The following PCDH15 variants were observed in gnomAD, a reference collection of about 807,000 sequenced individuals.
PCDH15 encodes protocadherin related 15, also known as protocadherin-15.
PCDH15 carries 129 observed loss-of-function variants against 178.5 expected under a neutral mutation model. The ratio of observed to expected loss-of-function variants is 0.72; its 90% confidence interval spans 0.63 to 0.84. The LOEUF is 0.84. Among genes scored for constraint, PCDH15 ranks in the 40% least tolerant of loss-of-function variants. PCDH15 has a pLI of 0.00. For missense variants in PCDH15, 2,230 were observed against 2,099.9 expected (o/e 1.06, Z -1.21); for synonymous variants, 800 against 732.0 (o/e 1.09, Z -1.50).
chr10:54,377,548 A>G (rs1049422624), intron 4 of PCDH15, among the ~76,000 whole-genome samples: 1 of 152,188 alleles, frequency 6.6e-6, no homozygotes, highest in African/African-American at 2.4e-5. Flanking sequence ...ATAAGAGGCA[A>G]ATTGAGATTT....
At chr10:54,641,345 C>G (rs1264773148) in intron 2 of PCDH15, among the ~76,000 whole-genome samples, 3 of 152,080 alleles carry the variant, frequency 2.0e-5, no homozygotes, top group South Asian at 2.1e-4. Context: ...TATTCAGGAA[C>G]AGATAAGAGA....
intron 2 of PCDH15, among the ~76,000 whole-genome samples, chr10:54,549,293 T>C (rs1170435135): frequency 6.6e-6 from 1 of 151,842 alleles, no homozygotes; most frequent in Non-Finnish European, 1.5e-5. Flanking sequence ...TTTTCAACCA[T>C]GAGAAGTTAA....
At chr10:53,834,518 G>GTT (rs11438530) in intron 29 of PCDH15, among the ~76,000 whole-genome samples, 11,806 of 141,564 alleles carry the variant, frequency 0.083, 562 homozygotes, top group African/African-American at 0.12. Flanking sequence ...ACAGAAATGT[G>GTT]TTTTTTTTTT....
At chr10:55,087,574 G>T (rs566402236) in intron 2 of PCDH15, among the ~76,000 whole-genome samples, 1 of 152,250 alleles carries the variant, frequency 6.6e-6, no homozygotes, top group South Asian at 2.1e-4. Context: ...TTTTTATCCT[G>T]CTGGGTGGAG....
chr10:54,660,198 A>T (rs1205090473), intron 2 of PCDH15, among the ~76,000 whole-genome samples: 1 of 152,102 alleles, frequency 6.6e-6, no homozygotes, highest in Non-Finnish European at 1.5e-5. Flanking sequence ...TTAATTAAGG[A>T]ACAAAAAGAG....
intron 2 of PCDH15, among the ~76,000 whole-genome samples, chr10:55,017,306 T>A (rs1482726997): frequency 1.3e-5 from 2 of 152,106 alleles, no homozygotes; most frequent in Non-Finnish European, 2.9e-5. Context: ...ATAACTCTAT[T>A]TCCCCTCTTG....
At chr10:55,300,411 C>T (rs1843243885) in intron 1 of PCDH15, among the ~76,000 whole-genome samples, 1 of 152,100 alleles carries the variant, frequency 6.6e-6, no homozygotes, top group Non-Finnish European at 1.5e-5. Flanking sequence ...CCTGTAGGCA[C>T]AGTGAGAATC....
At chr10:54,828,807 T>C (rs1486953126) in intron 3 of PCDH15, among the ~76,000 whole-genome samples, 1 of 151,938 alleles carries the variant, frequency 6.6e-6, no homozygotes, top group East Asian at 1.9e-4. Context: ...GGCATGTTTA[T>C]AAAGAGAAAT....
At chr10:55,291,824 A>C (rs1358287300) in intron 1 of PCDH15, among the ~76,000 whole-genome samples, 1 of 152,170 alleles carries the variant, frequency 6.6e-6, no homozygotes, top group Non-Finnish European at 1.5e-5. Flanking sequence ...GCAGAAGGCA[A>C]GGAAGAGGGA....
chr10:54,583,955 A>T (rs2091257828), intron 2 of PCDH15, among the ~76,000 whole-genome samples: 1 of 152,158 alleles, frequency 6.6e-6, no homozygotes, highest in East Asian at 1.9e-4. Flanking sequence ...AAAATATTTG[A>T]TCTAAAGAAA....
intron 1 of PCDH15, among the ~76,000 whole-genome samples, chr10:55,208,248 T>A (rs546406902): frequency 6.6e-6 from 1 of 152,200 alleles, no homozygotes; most frequent in South Asian, 2.1e-4. Flanking sequence ...ATTGGAGATA[T>A]TTCCATACAA....
intron 2 of PCDH15, among the ~76,000 whole-genome samples, chr10:55,063,101 G>A (rs1366326675): frequency 1.3e-5 from 2 of 151,972 alleles, no homozygotes; most frequent in African/African-American, 2.4e-5. Flanking sequence ...TTGGTAAATT[G>A]TCCACTCAAA....
chr10:54,944,835 T>C (rs1838154055), intron 2 of PCDH15, among the ~76,000 whole-genome samples: 1 of 151,860 alleles, frequency 6.6e-6, no homozygotes, highest in Non-Finnish European at 1.5e-5. Flanking sequence ...GTCTAATTAT[T>C]TATCAAAAGG....
intron 8 of PCDH15, among the ~76,000 whole-genome samples, chr10:54,239,432 T>TAGAGAGAGAGAGAGAGAGAGAGAG (rs370848123): frequency 2.7e-5 from 4 of 150,560 alleles, no homozygotes; most frequent in African/African-American, 9.8e-5. Flanking sequence ...TATATATATA[T>TAGAGAGAGAGAGAGAGAGAGAGAG]AGAGTAAGAA....
At chr10:53,944,512 C>T (rs2086361870) in intron 23 of PCDH15, among the ~76,000 whole-genome samples, 1 of 152,094 alleles carries the variant, frequency 6.6e-6, no homozygotes, top group Non-Finnish European at 1.5e-5. Flanking sequence ...TTCAATTCAT[C>T]CATTTATGAA....
intron 2 of PCDH15, among the ~76,000 whole-genome samples, chr10:55,603,016 G>C (rs983496111): frequency 1.3e-5 from 2 of 152,008 alleles, no homozygotes; most frequent in African/African-American, 4.8e-5. Context: ...TGTATAACTA[G>C]AATAACCAAT....
At chr10:55,234,719 G>C (rs1364885226) in intron 1 of PCDH15, among the ~76,000 whole-genome samples, 1 of 151,940 alleles carries the variant, frequency 6.6e-6, no homozygotes, top group Non-Finnish European at 1.5e-5. Flanking sequence ...GATAAAACAT[G>C]TATTTTGAGA....
chr10:55,391,357 G>C (rs1053369940), intron 2 of PCDH15, among the ~76,000 whole-genome samples: 9 of 151,890 alleles, frequency 5.9e-5, no homozygotes, highest in African/African-American at 2.2e-4. Context: ...TTCTGTATTA[G>C]GCTTTGGTTT....
At chr10:54,800,170 T>A (rs896415001) in intron 1 of PCDH15, among the ~76,000 whole-genome samples, 1 of 152,030 alleles carries the variant, frequency 6.6e-6, no homozygotes, top group Non-Finnish European at 1.5e-5. Context: ...AGACACAGAG[T>A]ATCAACACAC....
Sources: allele counts gnomAD v4.1 joint callset (sites outside exome capture counted in the v4.1 genomes callset), GRCh38; gene constraint gnomAD v4.1.1; transcripts MANE v1.5; gene names NCBI Gene and HGNC (gene_info 2026-07-23, HGNC 2026-07-21).